Variants in KLF12 observed in about 807,000 individuals in gnomAD.
KLF12 encodes the protein KLF transcription factor 12.
A neutral mutation model predicts 37.8 loss-of-function variants in KLF12; 9 were observed. That is an observed-to-expected ratio of 0.24 (90% CI 0.14 to 0.42). The LOEUF is 0.42. KLF12 is among the 10% of genes least tolerant of loss of function. The pLI is 1.00. For synonymous variants in KLF12, 208 were observed against 202.1 expected, an observed-to-expected ratio of 1.03 and a Z score of -0.25; for missense variants, 411 against 516.0, an observed-to-expected ratio of 0.80 and a Z score of 1.97.
intron 1 of KLF12, among the ~76,000 whole-genome samples, chr13:74,082,438 G>A (rs1290440641): frequency 6.6e-6 from 1 of 152,124 alleles, no homozygotes; most frequent in East Asian, 1.9e-4. Flanking sequence ...GAGATTATGT[G>A]ATATTAAACT....
rs930705217 is a variant in KLF12 at position 73,881,472 on chromosome 13, CA to C, written c.124-35100del. On this transcript the variant is annotated intron_variant, in intron 3 of 7. Coordinates refer to ENST00000377669, the MANE Select transcript of KLF12 (RefSeq NM_007249.5). ...ACTTATAAATATTAAGAAAACCATT[CA>C]TTTTTTTTTCAAATGGCATGATTTA... 6.2e-4 allele frequency among the ~76,000 whole-genome samples: 94 copies of C among 151,866 alleles called. 1 individual carries two copies. The highest frequency in any genetic ancestry group is 2.2e-3 in the African/African-American group (92 of 41,516).
chr13:74,275,878 CTTCTTTCTTTCTTTCTTTCTTTCTTTCT>C, the KLF12 span, among the ~76,000 whole-genome samples: 2 of 52,968 alleles, frequency 3.8e-5, no homozygotes, highest in African/African-American at 1.3e-4. Flanking sequence ...ATCTTTCTTT[CTTCTTTCTTTCTTTCTTTCTTTCTTTCT>C]TTCTTTCTTT....
intron 2 of KLF12, among the ~76,000 whole-genome samples, chr13:73,989,967 G>C (rs1891924193): frequency 1.2e-5 from 1 of 84,230 alleles, no homozygotes; most frequent in South Asian, 4.6e-4. Flanking sequence ...AGTTCAGGAA[G>C]TACAAGGGTT....
At chr13:74,043,737 A>C (rs918026034) in intron 1 of KLF12, among the ~76,000 whole-genome samples, 5 of 152,214 alleles carry the variant, frequency 3.3e-5, no homozygotes, top group African/African-American at 1.2e-4. Flanking sequence ...CATAATATTT[A>C]TGTGTTCAAT....
chr13:74,244,651 G>C, the KLF12 span, among the ~76,000 whole-genome samples: 1 of 152,120 alleles, frequency 6.6e-6, no homozygotes, highest in Admixed American at 6.6e-5. Flanking sequence ...GTGGGTTTTG[G>C]GGGCATAGCC....
At chr13:74,252,014 A>G in the KLF12 span, among the ~76,000 whole-genome samples, 4 of 152,180 alleles carry the variant, frequency 2.6e-5, no homozygotes, top group South Asian at 8.3e-4. Context: ...GGATGTTGGG[A>G]TGGGTCTGGG....
At chr13:74,090,957 G>T (rs978367574) in intron 1 of KLF12, among the ~76,000 whole-genome samples, 2 of 146,764 alleles carry the variant, frequency 1.4e-5, no homozygotes, top group African/African-American at 5.1e-5. Context: ...AAGTAAGAAA[G>T]CTCATACTCT....
chr13:73,984,420 C>T (rs969316185), intron 2 of KLF12, among the ~76,000 whole-genome samples: 11 of 152,134 alleles, frequency 7.2e-5, no homozygotes, highest in African/African-American at 9.7e-5. Flanking sequence ...TAGGCCATGA[C>T]GCGTCTTGCT....
At chr13:74,061,956 C>T (rs1873618368) in intron 1 of KLF12, among the ~76,000 whole-genome samples, 1 of 152,086 alleles carries the variant, frequency 6.6e-6, no homozygotes, top group Admixed American at 6.5e-5. Flanking sequence ...CATATAAACA[C>T]CTATACTACA....
chr13:74,283,551 T>C, the KLF12 span, among the ~76,000 whole-genome samples: 1 of 152,198 alleles, frequency 6.6e-6, no homozygotes, highest in African/African-American at 2.4e-5. Flanking sequence ...TTTTGAGCTT[T>C]TCCTAATTAA....
the KLF12 span, among the ~76,000 whole-genome samples, chr13:74,215,956 G>A: frequency 0.014 from 2,145 of 152,276 alleles, 31 homozygotes; most frequent in Non-Finnish European, 0.024. Context: ...GCTAGGGAAG[G>A]CACCATGGTG....
the KLF12 span, among the ~76,000 whole-genome samples, chr13:74,141,794 C>T: frequency 1.3e-5 from 2 of 152,124 alleles, no homozygotes; most frequent in African/African-American, 4.8e-5. Flanking sequence ...ACATGAGTTC[C>T]TGGAGACCAA....
chr13:73,986,777 G>A (rs1891837742), intron 2 of KLF12, among the ~76,000 whole-genome samples: 2 of 152,152 alleles, frequency 1.3e-5, no homozygotes, highest in African/African-American at 2.4e-5. Flanking sequence ...AAAGCTGCTG[G>A]AGTTGAATGG....
At chr13:73,855,896 C>T (rs974718235) in intron 3 of KLF12, among the ~76,000 whole-genome samples, 1 of 152,180 alleles carries the variant, frequency 6.6e-6, no homozygotes, top group Admixed American at 6.5e-5. Flanking sequence ...AATACATTCA[C>T]ATAAACCAAC....
At chr13:74,288,541 C>T in the KLF12 span, among the ~76,000 whole-genome samples, 2 of 152,174 alleles carry the variant, frequency 1.3e-5, no homozygotes, top group Non-Finnish European at 2.9e-5. Flanking sequence ...GCAACTTCTG[C>T]ACTCCTCTCA....
At chr13:74,174,032 G>A in the KLF12 span, among the ~76,000 whole-genome samples, 1 of 152,098 alleles carries the variant, frequency 6.6e-6, no homozygotes, top group South Asian at 2.1e-4. Flanking sequence ...GAAATAGACT[G>A]TGAGTCTGAG....
chr13:73,704,627 C>CA (rs1874800057), intron 7 of KLF12, among the ~76,000 whole-genome samples: 1 of 152,142 alleles, frequency 6.6e-6, no homozygotes, highest in Non-Finnish European at 1.5e-5. Context: ...CTATGCACAC[C>CA]AATTTATTGT....
At chr13:74,143,492 C>G in the KLF12 span, among the ~76,000 whole-genome samples, 8 of 152,056 alleles carry the variant, frequency 5.3e-5, no homozygotes, top group Admixed American at 5.2e-4. Context: ...GTGCCACACA[C>G]CATTGGAAGC....
chr13:74,070,070 T>C (rs957121465), intron 1 of KLF12, among the ~76,000 whole-genome samples: 4 of 152,186 alleles, frequency 2.6e-5, no homozygotes, highest in Admixed American at 2.6e-4. Context: ...CAGAAATAAA[T>C]GGGCACATGA....
Sources: gnomAD v4.1 joint callset for allele counts (sites outside exome capture counted in the v4.1 genomes callset) on GRCh38, gnomAD v4.1.1 for gene constraint, MANE v1.5 for transcripts, NCBI Gene and HGNC (gene_info 2026-07-23, HGNC 2026-07-21) for gene names.